Variants in EPB41L4A observed in about 807,000 individuals in gnomAD.
The protein encoded by EPB41L4A is erythrocyte membrane protein band 4.1 like 4A, also known as band 4.1-like protein 4A.
EPB41L4A carries 100 observed loss-of-function variants against 108.6 expected under a neutral mutation model. The ratio of observed to expected loss-of-function variants is 0.92; its 90% CI spans 0.78 to 1.09. The LOEUF is 1.09. Among genes scored for constraint, EPB41L4A ranks in the 50% least tolerant of loss-of-function variants. The probability of loss-of-function intolerance (pLI) is 0.00; values close to 1 mark genes in which losing one functional copy is unlikely to be tolerated. For missense variants in EPB41L4A, 1,030 were observed against 842.7 expected, an observed-to-expected ratio of 1.22 and a Z score of -2.75; for synonymous variants, 319 against 289.0, an observed-to-expected ratio of 1.10 and a Z score of -1.05.
chr5:112,399,533 CCTCA>C (rs1041354549), intron 1 of EPB41L4A, among the ~76,000 whole-genome samples: 7 of 152,126 alleles, frequency 4.6e-5, no homozygotes, highest in East Asian at 1.9e-4. Context: ...TCCAAAACAT[CCTCA>C]CTATCTTTTT....
downstream of EPB41L4A, among the ~76,000 whole-genome samples, chr5:112,159,233 T>C (rs149383821): frequency 0.012 from 1,792 of 152,300 alleles, 108 homozygotes; most frequent in Admixed American, 0.11. Flanking sequence ...TTAATGTATA[T>C]AACTTGATGT....
intron 2 of EPB41L4A, among the ~76,000 whole-genome samples, chr5:112,292,023 C>T (rs1410054382): frequency 2.0e-5 from 3 of 152,272 alleles, no homozygotes; most frequent in East Asian, 3.9e-4. Flanking sequence ...TACATACCAC[C>T]CAATGGAAGA....
chr5:112,312,053 C>G lies in EPB41L4A; in HGVS notation c.100-4563G>C, dbSNP rs114730689. 5.3e-3 allele frequency among the ~76,000 whole-genome samples: 814 copies of G among 152,270 alleles called. 7 individuals are homozygous for G. Among genetic ancestry groups the G allele is most frequent in the African/African-American group, 0.019 (770 of 41,554 alleles). On this transcript the variant is annotated intron_variant, in intron 1 of 22. Coordinates refer to ENST00000261486, the MANE Select transcript of EPB41L4A (RefSeq NM_022140.5). ...TTAAAAATATGTAAATCAAATCTGT[C>G]TTTATGCAAACTATATTTGTGCTTC... is the stretch of plus-strand genomic sequence containing the variant.
chr5:112,203,556 A>C (rs142401863), intron 15 of EPB41L4A, among the ~76,000 whole-genome samples: 52 of 152,270 alleles, frequency 3.4e-4, no homozygotes, highest in African/African-American at 1.2e-3. Context: ...CAAAACTTCC[A>C]GCTAAGAACT....
In EPB41L4A at chr5:112,291,490, G is replaced by T. The variant is rs115211668; in HGVS notation, c.205-11167C>A. On this transcript the variant is annotated intron_variant, in intron 2 of 22. Coordinates refer to ENST00000261486, the MANE Select transcript of EPB41L4A (RefSeq NM_022140.5). ...CCATAGCCCTTGTTAGTCTTTTGTT[G>T]AAATGTTGGGAGTGTTAGGCCTCAG... Among the ~76,000 whole-genome samples the T allele has an allele frequency of 3.8e-3, 581 of 152,256 alleles. 3 individuals carry two copies. Among genetic ancestry groups the T allele is most frequent in the African/African-American group, 0.013 (553 of 41,538 alleles).
intron 1 of EPB41L4A, among the ~76,000 whole-genome samples, chr5:112,407,040 C>A (rs1762115453): frequency 6.6e-6 from 1 of 152,042 alleles, no homozygotes; most frequent in Non-Finnish European, 1.5e-5. Flanking sequence ...CTGCATGCAG[C>A]TTTGGTGCAG....
At position 112,298,550 on chromosome 5, in the gene EPB41L4A, G is replaced by A. The variant is rs114049227; in HGVS notation, c.204+8836C>T. ...GGTATGAAACACACTTGATTATGGC[G>A]GATTATCTTTTGTATATGCTGTTGG... On this transcript the variant is annotated intron_variant, in intron 2 of 22. Transcript: ENST00000261486. 3.1e-3 allele frequency among the ~76,000 whole-genome samples: 473 copies of A among 152,114 alleles called. 2 individuals are homozygous for A. Among genetic ancestry groups the A allele is most frequent in the African/African-American group, 9.2e-3 (381 of 41,480 alleles).
chr5:112,145,867 A>G (rs1490744232), intron 13 of EPB41L4A: 1 of 453,644 alleles, frequency 2.2e-6, no homozygotes, highest in Non-Finnish European at 4.4e-6. Context: ...ATCAATATAC[A>G]TAATTACACT....
chr5:112,145,746 C>T (rs1434683612), intron 13 of EPB41L4A: 1 of 313,754 alleles, frequency 3.2e-6, no homozygotes, highest in Non-Finnish European at 6.2e-6. Context: ...AACGTGCATA[C>T]AACATCCTCA....
chr5:112,151,219 T>C (rs1759452405), intron 12 of EPB41L4A, among the ~76,000 whole-genome samples: 1 of 152,058 alleles, frequency 6.6e-6, no homozygotes, highest in African/African-American at 2.4e-5. Context: ...AAAAAGTATT[T>C]AATGACTATA....
chr5:112,245,657 T>C (rs987020944), intron 9 of EPB41L4A, among the ~76,000 whole-genome samples: 3 of 152,084 alleles, frequency 2.0e-5, no homozygotes, highest in Admixed American at 6.5e-5. Context: ...TAAGTTCAGG[T>C]TGAAATATTC....
chr5:112,211,574 C>T (rs1157227097), intron 12 of EPB41L4A, among the ~76,000 whole-genome samples: 2 of 145,576 alleles, frequency 1.4e-5, no homozygotes, highest in East Asian at 4.0e-4. Context: ...GGCTACAGAG[C>T]GAGACTCCGT....
intron 15 of EPB41L4A, among the ~76,000 whole-genome samples, chr5:112,200,093 T>C (rs888947589): frequency 3.3e-5 from 5 of 152,236 alleles, no homozygotes; most frequent in African/African-American, 7.2e-5. Context: ...TCTATGCTCA[T>C]TTCTAACACA....
chr5:112,211,362 T>A (rs566129643), intron 12 of EPB41L4A, among the ~76,000 whole-genome samples: 1 of 152,240 alleles, frequency 6.6e-6, no homozygotes, highest in South Asian at 2.1e-4. Flanking sequence ...GGCGGGCGGA[T>A]CACGAGGTCA....
chr5:112,168,736 A>G lies in EPB41L4A; in HGVS notation c.1932+3T>C. Reference sequence around the variant, plus strand: ...ACCTTCTTCAAACCTTACTATTACTAACCTGATGAACTGTAGCATCCCCAG... The same window carrying G: ...ACCTTCTTCAAACCTTACTATTACTGACCTGATGAACTGTAGCATCCCCAG... On this transcript the variant is annotated splice_donor_region_variant and intron_variant, in intron 22 of 22. Coordinates refer to ENST00000261486, the MANE Select transcript of EPB41L4A (RefSeq NM_022140.5). The G allele has an allele frequency of 6.2e-7, 1 of 1,610,344 alleles. No individual in the cohort carries two copies. Among genetic ancestry groups the G allele is most frequent in the African/African-American group, 1.3e-5 (1 of 74,892 alleles).
At chr5:112,269,007 G>T (rs1404612934) in intron 4 of EPB41L4A, among the ~76,000 whole-genome samples, 1 of 151,928 alleles carries the variant, frequency 6.6e-6, no homozygotes, top group Non-Finnish European at 1.5e-5. Flanking sequence ...CTGAAATACA[G>T]ACAAACACAT....
chr5:112,288,850 T>C (rs4958032), intron 2 of EPB41L4A, among the ~76,000 whole-genome samples: 28,851 of 151,298 alleles, frequency 0.19, 2,982 homozygotes, highest in East Asian at 0.36. Context: ...TTTTTTATGA[T>C]GGAGTCTCGC....
intron 13 of EPB41L4A, 71 bp from the exon 14 acceptor site, chr5:112,205,575 T>G (rs1762433684): frequency 8.3e-7 from 1 of 1,211,994 alleles, no homozygotes; most frequent in African/African-American, 1.5e-5. Context: ...TACTTATTTG[T>G]TAAGTAAAAC....
chr5:112,372,222 G>A (rs1368616526), intron 1 of EPB41L4A, among the ~76,000 whole-genome samples: 1 of 152,176 alleles, frequency 6.6e-6, no homozygotes. Flanking sequence ...ATGGCAGAAG[G>A]CATCTTTTCA....
Sources: gnomAD v4.1 joint callset for allele counts (sites outside exome capture counted in the v4.1 genomes callset) on GRCh38, gnomAD v4.1.1 for gene constraint, MANE v1.5 for transcripts, NCBI Gene and HGNC (gene_info 2026-07-23, HGNC 2026-07-21) for gene names.